The following RERE variants were observed in gnomAD, a reference collection of about 807,000 sequenced individuals.
RERE encodes the protein arginine-glutamic acid dipeptide repeats protein.
In RERE, 40 loss-of-function variants were observed where a neutral mutation model predicts 146.1. The ratio of observed to expected loss-of-function variants is 0.27; its 90% CI spans 0.21 to 0.36. The LOEUF (loss-of-function observed/expected upper bound fraction) is 0.36. RERE is among the 10% of genes least tolerant of loss of function. The probability of loss-of-function intolerance (pLI) is 1.00; values close to 1 mark genes in which losing one functional copy is unlikely to be tolerated. For missense variants in RERE, 1,933 were observed against 2,138.7 expected (o/e 0.90, Z 1.90); for synonymous variants, 1,003 against 866.0 (o/e 1.16, Z -2.78).
At chr1:8,647,335 C>G (rs1158230174) in intron 2 of RERE, among the ~76,000 whole-genome samples, 1 of 152,118 alleles carries the variant, frequency 6.6e-6, no homozygotes. Flanking sequence ...GTTCTGGGAA[C>G]AAACCTGCTG....
chr1:8,721,903 C>T (rs748857435), intron 1 of RERE, among the ~76,000 whole-genome samples: 2 of 152,194 alleles, frequency 1.3e-5, no homozygotes, highest in Non-Finnish European at 2.9e-5. Context: ...CAGTCAGCTA[C>T]CAGCATATCT....
intron 1 of RERE, among the ~76,000 whole-genome samples, chr1:8,769,215 C>T (rs1203202092): frequency 6.6e-6 from 1 of 152,074 alleles, no homozygotes; most frequent in Non-Finnish European, 1.5e-5. Flanking sequence ...GAGGGGTAAA[C>T]TGCTGCTGTA....
intron 4 of RERE, 117 bp from the exon 5 acceptor site, chr1:8,557,640 A>G: frequency 1.4e-6 from 1 of 694,336 alleles, no homozygotes; most frequent in Non-Finnish European, 2.6e-6. Context: ...GGAGAGACAC[A>G]ATTACCATCA....
intron 1 of RERE, among the ~76,000 whole-genome samples, chr1:8,740,477 ATAT>A (rs1038063975): frequency 2.0e-5 from 3 of 152,176 alleles, no homozygotes; most frequent in African/African-American, 7.2e-5. Context: ...CCTCTTTTAA[ATAT>A]TATTTTTTCT....
chr1:8,680,158 G>A (rs1166220144), intron 1 of RERE, among the ~76,000 whole-genome samples: 1 of 152,042 alleles, frequency 6.6e-6, no homozygotes, highest in Non-Finnish European at 1.5e-5. Context: ...ACACCTGGTG[G>A]AAAATGGAGA....
intron 1 of RERE, among the ~76,000 whole-genome samples, chr1:8,662,607 GGATT>G (rs1050885609): frequency 6.6e-6 from 1 of 152,116 alleles, no homozygotes; most frequent in African/African-American, 2.4e-5. Flanking sequence ...GGAGGTGGGA[GGATT>G]GTTTGAGGCC....
chr1:8,482,811 C>T (rs1270869070), intron 10 of RERE, among the ~76,000 whole-genome samples: 1 of 151,392 alleles, frequency 6.6e-6, no homozygotes. Context: ...CAGGTGAACA[C>T]CTAAACACTT....
chr1:8,703,275 T>C (rs964097338), intron 1 of RERE: 1 of 148,914 alleles, frequency 6.7e-6, no homozygotes, highest in East Asian at 2.0e-4. Context: ...CGGGAGGCGG[T>C]GGCCGCGCGG....
intron 12 of RERE, among the ~76,000 whole-genome samples, chr1:8,390,233 A>G (rs1327181144): frequency 6.6e-6 from 1 of 152,172 alleles, no homozygotes; most frequent in Non-Finnish European, 1.5e-5. Flanking sequence ...CATACAGAAG[A>G]GCAGAGACCC....
intron 1 of RERE, among the ~76,000 whole-genome samples, chr1:8,737,730 G>A (rs988382590): frequency 6.6e-6 from 1 of 151,872 alleles, no homozygotes; most frequent in South Asian, 2.1e-4. Context: ...GCCACCACAC[G>A]TGGCTGGAAA....
At chr1:8,636,225 T>G (rs779674782) in intron 2 of RERE, among the ~76,000 whole-genome samples, 15 of 152,188 alleles carry the variant, frequency 9.9e-5, no homozygotes, top group South Asian at 2.1e-4. Flanking sequence ...CAACCTCAGG[T>G]GATCTACCCA....
intron 4 of RERE, among the ~76,000 whole-genome samples, chr1:8,580,826 C>T (rs1162768262): frequency 6.6e-6 from 1 of 151,944 alleles, no homozygotes; most frequent in Admixed American, 6.6e-5. Context: ...GATCCTCCCA[C>T]TTGAGTTGTG....
intron 1 of RERE, among the ~76,000 whole-genome samples, chr1:8,719,581 G>A (rs1639823597): frequency 6.6e-6 from 1 of 152,144 alleles, no homozygotes; most frequent in Non-Finnish European, 1.5e-5. Context: ...ACAAATGACA[G>A]AGATTTGCCC....
At chr1:8,804,048 G>A (rs1302543179) in intron 1 of RERE, among the ~76,000 whole-genome samples, 1 of 152,108 alleles carries the variant, frequency 6.6e-6, no homozygotes, top group African/African-American at 2.4e-5. Context: ...TATATTAATA[G>A]AAACAAGATG....
chr1:8,686,727 G>A (rs530937664), intron 1 of RERE, among the ~76,000 whole-genome samples: 1 of 152,236 alleles, frequency 6.6e-6, no homozygotes, highest in Non-Finnish European at 1.5e-5. Context: ...TGCAGCCTAG[G>A]CGACAAGAGC....
intron 15 of RERE, among the ~76,000 whole-genome samples, chr1:8,363,147 G>A (rs1047258920): frequency 1.3e-5 from 2 of 152,244 alleles, no homozygotes; most frequent in African/African-American, 2.4e-5. Flanking sequence ...CTTTCTGAGC[G>A]GCAGAAAGTC....
In RERE at chr1:8,621,403, C is replaced by A. The variant is rs567893832; in HGVS notation, c.396+2907G>T. On this transcript the variant is annotated intron_variant, in intron 3 of 22. Transcript: ENST00000400908. ...CCATTATTCTAGCCTCGGTGACTGG[C>A]GGTAGATGTCTCCTCCTCCCCACGC... Among the ~76,000 whole-genome samples the A allele has an allele frequency of 1.8e-3, 275 of 152,252 alleles. 2 individuals carry two copies. Among genetic ancestry groups the A allele is most frequent in the Middle Eastern group, 0.017 (5 of 292 alleles).
chr1:8,502,602 T>G (rs987671126), intron 8 of RERE, among the ~76,000 whole-genome samples: 1 of 147,720 alleles, frequency 6.8e-6, no homozygotes, highest in Non-Finnish European at 1.5e-5. Flanking sequence ...AGCGGCTCAT[T>G]GGGGATGGGC....
rs911723509 is a variant in RERE at position 8,369,788 on chromosome 1, C to CTA, written c.1285-3816_1285-3815dup. Among the ~76,000 whole-genome samples, 52 of 151,698 alleles carry CTA rather than the reference C, an allele frequency of 3.4e-4. 1 individual carries two copies. In the South Asian group the frequency reaches 3.5e-3, roughly 10 times the overall value. ...CACGGATACATTCATAGAAACTATT[C>CTA]TATATATATATATTTTTTTGAGACG... On this transcript the variant is annotated intron_variant, in intron 12 of 22. Transcript: ENST00000400908.
Sources: gnomAD v4.1 joint callset for allele counts (sites outside exome capture counted in the v4.1 genomes callset) on GRCh38, gnomAD v4.1.1 for gene constraint, MANE v1.5 for transcripts, NCBI Gene and HGNC (gene_info 2026-07-23, HGNC 2026-07-21) for gene names.